SFT2D2: variants seen among roughly 807,000 people sequenced by gnomAD.
SFT2D2 encodes the protein vesicle transport protein SFT2B.
A neutral mutation model predicts 27.4 loss-of-function variants in SFT2D2; 21 were observed. The observed-to-expected ratio is 0.77, with a 90% CI of 0.54 to 1.10. The LOEUF (loss-of-function observed/expected upper bound fraction) is 1.10, where lower values mean the gene tolerates loss of function less well. SFT2D2 is among the 50% of genes least tolerant of loss of function. The pLI, the probability that SFT2D2 is intolerant of heterozygous loss-of-function variation, is 0.00. For synonymous variants in SFT2D2, 72 were observed against 71.7 expected (o/e 1.00, Z -0.02); for missense variants, 187 against 194.2 (o/e 0.96, Z 0.22).
chr1:168,234,376 G>T (rs1212806982), intron 3 of SFT2D2, among the ~76,000 whole-genome samples: 1 of 150,034 alleles, frequency 6.7e-6, no homozygotes, highest in African/African-American at 2.5e-5. Context: ...CCTGGCGACA[G>T]AGTGAGACTC....
Position 168,251,865 on chromosome 1 carries a change from T to A in SFT2D2, c.*9325T>A, listed in dbSNP as rs778360521. 3 of 152,186 alleles carry A rather than the reference T, an allele frequency of 2.0e-5. No individual in the cohort carries two copies. Among genetic ancestry groups the A allele is most frequent in the Non-Finnish European group, 2.9e-5 (2 of 68,034 alleles). 9.4% of individuals were successfully genotyped at this position (152,186 alleles called of 1,614,324 possible). A position where few individuals can be genotyped will look rare whatever the true frequency, so the allele number is the denominator to read the frequency against. On this transcript the variant is annotated 3_prime_UTR_variant, in exon 8 of 8. Transcript: ENST00000271375. ...ATAACAAAACCTAGACATCTAAATT[T>A]TTTGGAAATTTTTATTTTAAAAGTT...
intron 1 of SFT2D2, among the ~76,000 whole-genome samples, chr1:168,231,263 A>G (rs949666515): frequency 2.0e-5 from 3 of 152,116 alleles, no homozygotes; most frequent in Non-Finnish European, 4.4e-5. Context: ...GCTTGAGGCA[A>G]GGAGTTTCTA....
chr1:168,226,269 C>T, intron 1 of SFT2D2, 127 bp downstream of exon 1: 1 of 758,588 alleles, frequency 1.3e-6, no homozygotes, highest in Non-Finnish European at 2.0e-6. Context: ...TTCTCCTCCT[C>T]TTCTTCTGCA....
intron 4 of SFT2D2, among the ~76,000 whole-genome samples, chr1:168,235,758 C>T (rs1466675669): frequency 1.3e-5 from 2 of 152,126 alleles, no homozygotes; most frequent in African/African-American, 2.4e-5. Flanking sequence ...CATTTTTGGC[C>T]TATTTTCTTC....
intron 1 of SFT2D2, among the ~76,000 whole-genome samples, chr1:168,229,888 G>A (rs1700495733): frequency 6.6e-6 from 1 of 152,152 alleles, no homozygotes; most frequent in Non-Finnish European, 1.5e-5. Flanking sequence ...AAGGGGGTTT[G>A]GGAAACCAGA....
In SFT2D2 at chr1:168,226,701, C is replaced by T. The variant is rs1432246912; in HGVS notation, c.63+559C>T. On this transcript the variant is annotated intron_variant, in intron 1 of 7. Transcript: ENST00000271375. ...TGTGATTGGGGGTGAGAAACTGCCC[C>T]CATCCCATGAGGACAGGGACCACAT... is the stretch of plus-strand genomic sequence containing the variant. Among the ~76,000 whole-genome samples, 3 of 152,218 alleles carry T rather than the reference C, an allele frequency of 2.0e-5. No homozygotes were observed. In the South Asian group the frequency reaches 6.2e-4, roughly 32 times the overall value.
At position 168,241,362 on chromosome 1, in the gene SFT2D2, T is replaced by C. The variant is rs187198593; in HGVS notation, c.444-1139T>C. 2.0e-5 allele frequency among the ~76,000 whole-genome samples: 3 copies of C among 151,984 alleles called. No homozygotes were observed. The East Asian group carries it at 5.8e-4, about 29-fold the overall frequency. ...GCACGCCACCATGCCAGGCTCATTT[T>C]TTGTATTTTTAGTAGAGATGGGGTT... On this transcript the variant is annotated intron_variant, in intron 7 of 7. Coordinates refer to ENST00000271375, the MANE Select transcript of SFT2D2 (RefSeq NM_199344.3).
At chr1:168,226,266 C>T (rs1054980456) in intron 1 of SFT2D2, 124 bp downstream of exon 1, 12 of 781,718 alleles carry the variant, frequency 1.5e-5, no homozygotes, top group African/African-American at 9.2e-5. Flanking sequence ...CCCTTCTCCT[C>T]CTCTTCTTCT....
chr1:168,246,601 C>T lies in SFT2D2; in HGVS notation c.*4061C>T, dbSNP rs553759120. ...AGAATTCAAATTTTCCTGTAAATGACGCAATTTATCTACTGTGCCCTGGAA... is the reference window on the plus strand; with the variant it reads ...AGAATTCAAATTTTCCTGTAAATGATGCAATTTATCTACTGTGCCCTGGAA... On this transcript the variant is annotated 3_prime_UTR_variant, in exon 8 of 8. Transcript: ENST00000271375. 101 of 1,483,968 alleles carry T rather than the reference C, an allele frequency of 6.8e-5. No homozygotes were observed. The East Asian group carries it at 7.0e-4, about 10-fold the overall frequency. The allele number at this position is 1,483,968 out of a possible 1,614,324, so 91.9% of individuals were successfully genotyped here. A position where few individuals can be genotyped will look rare whatever the true frequency, so the allele number is the denominator to read the frequency against.
chr1:168,239,484 G>A (rs1192888169), intron 7 of SFT2D2, among the ~76,000 whole-genome samples: 5 of 145,610 alleles, frequency 3.4e-5, no homozygotes, highest in Admixed American at 6.8e-5. Context: ...TTTTATAAAG[G>A]TGAATGTCAT....
At position 168,251,269 on chromosome 1, in the gene SFT2D2, C is replaced by T. The variant is rs1257059970; in HGVS notation, c.*8729C>T. On this transcript the variant is annotated 3_prime_UTR_variant, in exon 8 of 8. Coordinates refer to ENST00000271375, the MANE Select transcript of SFT2D2 (RefSeq NM_199344.3). ...AGGTGGAAGTTCAGTGAGCCGAGAT[C>T]GCACCCCTGCACTCCAGCCTGAGCA... is the stretch of plus-strand genomic sequence containing the variant. The T allele has an allele frequency of 2.6e-5, 4 of 152,044 alleles. No homozygotes were observed. Among genetic ancestry groups the T allele is most frequent in the Non-Finnish European group, 4.4e-5 (3 of 68,026 alleles). The allele number at this position is 152,044 out of a possible 1,614,324, so 9.4% of individuals were successfully genotyped here.
At chr1:168,231,238 C>G (rs1200970216) in intron 1 of SFT2D2, among the ~76,000 whole-genome samples, 4 of 152,250 alleles carry the variant, frequency 2.6e-5, no homozygotes, top group Middle Eastern at 3.4e-3. Flanking sequence ...CCTTCCTGTT[C>G]TTGAAATGGG....
rs1647834939 is a variant in SFT2D2, at chr1:168,247,016, A to C, written c.*4476A>C. The C allele has an allele frequency of 2.0e-6, 1 of 500,344 alleles. No individual in the cohort carries two copies. The highest frequency in any genetic ancestry group is 3.9e-6 in the Non-Finnish European group (1 of 257,224). The allele number at this position is 500,344 out of a possible 1,614,324, so 31.0% of individuals were successfully genotyped here. A position where few individuals can be genotyped will look rare whatever the true frequency, so the allele number is the denominator to read the frequency against. On this transcript the variant is annotated 3_prime_UTR_variant, in exon 8 of 8. Coordinates refer to ENST00000271375, the MANE Select transcript of SFT2D2 (RefSeq NM_199344.3). ...CTTCTTCTTTTTCATGACTATCAGA[A>C]ATCTCAAACTGCAGAGTTCTTGTTC...
At chr1:168,231,671 C>A in intron 2 of SFT2D2, 71 bp downstream of exon 2, 1 of 1,517,038 alleles carries the variant, frequency 6.6e-7, no homozygotes, top group Non-Finnish European at 9.2e-7. Flanking sequence ...TTTTGTCCAC[C>A]TCCTTTCCCC....
intron 1 of SFT2D2, among the ~76,000 whole-genome samples, chr1:168,228,084 C>T (rs779638070): frequency 1.3e-4 from 20 of 152,222 alleles, no homozygotes; most frequent in Non-Finnish European, 2.1e-4. Context: ...GGTCAGTTTC[C>T]TCTTTCTGAG....
At chr1:168,228,078 A>G (rs1367857851) in intron 1 of SFT2D2, among the ~76,000 whole-genome samples, 1 of 152,222 alleles carries the variant, frequency 6.6e-6, no homozygotes, top group East Asian at 1.9e-4. Flanking sequence ...TCAGTTGGTC[A>G]GTTTCCTCTT....
intron 1 of SFT2D2, among the ~76,000 whole-genome samples, chr1:168,231,202 G>A (rs571740468): frequency 7.7e-4 from 118 of 152,278 alleles, no homozygotes; most frequent in African/African-American, 2.7e-3. Flanking sequence ...GGAAGGCTCT[G>A]GGCTACTCTA....
intron 1 of SFT2D2, among the ~76,000 whole-genome samples, chr1:168,226,995 T>G (rs1204883241): frequency 6.6e-6 from 1 of 151,944 alleles, no homozygotes; most frequent in Non-Finnish European, 1.5e-5. Flanking sequence ...AATTTTTGTA[T>G]TTTTACTAGA....
In SFT2D2 at chr1:168,251,088, G is replaced by A. The variant is rs1392258838; in HGVS notation, c.*8548G>A. 6.6e-6 allele frequency: 1 copy of A among 152,232 alleles called. No homozygotes were observed. The highest frequency in any genetic ancestry group is 6.5e-5 in the Admixed American group (1 of 15,270). The allele number at this position is 152,232 out of a possible 1,614,324, so 9.4% of individuals were successfully genotyped here. On this transcript the variant is annotated 3_prime_UTR_variant, in exon 8 of 8. Transcript: ENST00000271375. ...GGAGGCTGAGGTGGGTGGATCGCTT[G>A]AGGTCAGGAGTTCAAGACCAGCCTG...
Sources: gnomAD v4.1 joint callset for allele counts (sites outside exome capture counted in the v4.1 genomes callset) on GRCh38, gnomAD v4.1.1 for gene constraint, MANE v1.5 for transcripts, NCBI Gene and HGNC (gene_info 2026-07-23, HGNC 2026-07-21) for gene names.